ASB8: variants seen among roughly 807,000 people sequenced by gnomAD.
ASB8 encodes ankyrin repeat and SOCS box protein 8.
In ASB8, 15 loss-of-function variants were observed where a neutral mutation model predicts 22.9. The ratio of observed to expected loss-of-function variants is 0.66; its 90% CI spans 0.44 to 1.01. ASB8 has a LOEUF of 1.01. ASB8 is among the 50% of genes least tolerant of loss of function. The probability of loss-of-function intolerance (pLI) is 0.00; values close to 1 mark genes in which losing one functional copy is unlikely to be tolerated. For missense variants in ASB8, 294 were observed against 356.9 expected (o/e 0.82, Z 1.42); for synonymous variants, 124 against 140.8 (o/e 0.88, Z 0.84).
At chr12:48,151,030 T>C in intron 3 of ASB8, 171 bp downstream of exon 3, 1 of 626,528 alleles carries the variant, frequency 1.6e-6, no homozygotes, top group Non-Finnish European at 2.8e-6. Flanking sequence ...TTAGATCATT[T>C]TATATATTTA....
At chr12:48,151,557 A>G in intron 2 of ASB8, 1 of 1,468,412 alleles carries the variant, frequency 6.8e-7, no homozygotes, top group Non-Finnish European at 9.1e-7. Flanking sequence ...AGGCTGCCAG[A>G]TGGTCACCTG....
chr12:48,153,072 CT>C, intron 2 of ASB8: 1 of 291,138 alleles, frequency 3.4e-6, no homozygotes, highest in Non-Finnish European at 6.7e-6. Flanking sequence ...GTATAGAAGA[CT>C]TTGAGCTCAA....
In ASB8 at chr12:48,150,001, G is replaced by A. The variant is rs1237996424; in HGVS notation, c.235-3C>T. ...TTATACCCATCCAGGGCATTCACCT[G>A]TAAAAAGGGAGGAACTATTACAGTA... On this transcript the variant is annotated splice_polypyrimidine_tract_variant and splice_region_variant and intron_variant, in intron 3 of 3. Coordinates refer to ENST00000317697, the MANE Select transcript of ASB8 (RefSeq NM_024095.5). The A allele has an allele frequency of 6.2e-7, 1 of 1,611,230 alleles. No individual in the cohort carries two copies. Among genetic ancestry groups the A allele is most frequent in the Non-Finnish European group, 8.5e-7 (1 of 1,177,732 alleles).
At chr12:48,155,726 T>C (rs12827060) in intron 1 of ASB8, among the ~76,000 whole-genome samples, 6 of 103,932 alleles carry the variant, frequency 5.8e-5, no homozygotes, top group Non-Finnish European at 9.3e-5. Context: ...TGAGACTCCA[T>C]CTCAAAAAAA....
In ASB8 at chr12:48,149,131, CA is replaced by C. The variant is rs1402460090; in HGVS notation, c.*234del. ...GGGAGACCTCTTCTTTTGCAAAATG[CA>C]ATATAAAAAGCCAGGTAAGCAATAA... On this transcript the variant is annotated 3_prime_UTR_variant, in exon 4 of 4. Transcript: ENST00000317697. 2.4e-5 allele frequency: 13 copies of C among 551,914 alleles called. No homozygotes were observed. The Admixed American group carries it at 3.2e-4, about 14-fold the overall frequency. The allele number at this position is 551,914 out of a possible 1,614,324, so 34.2% of individuals were successfully genotyped here.
chr12:48,147,810 CTTTTT>C lies in ASB8; in HGVS notation c.*1551_*1555del, dbSNP rs963504719. 2 of 151,282 alleles carry C rather than the reference CTTTTT, an allele frequency of 1.3e-5. No individual in the cohort carries two copies. Among genetic ancestry groups the C allele is most frequent in the Non-Finnish European group, 2.9e-5 (2 of 67,810 alleles). The allele number at this position is 151,282 out of a possible 1,614,324, so 9.4% of individuals were successfully genotyped here. A position where few individuals can be genotyped will look rare whatever the true frequency, so the allele number is the denominator to read the frequency against. ...AAACTTGCTTTTAGAACTATTTATT[CTTTTT>C]TTTTAAGTGATGTTTTTTAAACACC... On this transcript the variant is annotated 3_prime_UTR_variant, in exon 4 of 4. Coordinates refer to ENST00000317697, the MANE Select transcript of ASB8 (RefSeq NM_024095.5).
chr12:48,154,928 G>A (rs1326555716), intron 1 of ASB8, among the ~76,000 whole-genome samples: 1 of 152,176 alleles, frequency 6.6e-6, no homozygotes, highest in East Asian at 1.9e-4. Context: ...GCAACAGAGT[G>A]AGACTCCATC....
chr12:48,151,095 C>A, intron 3 of ASB8, 106 bp downstream of exon 3: 1 of 843,276 alleles, frequency 1.2e-6, no homozygotes, highest in South Asian at 1.5e-5. Flanking sequence ...GTTAGAAGTT[C>A]AGACTGGAGG....
intron 2 of ASB8, 66 bp from the exon 3 acceptor site, chr12:48,151,371 G>T (rs1043192958): frequency 2.3e-6 from 3 of 1,318,322 alleles, no homozygotes; most frequent in Admixed American, 4.0e-5. Context: ...ACAGAATTCA[G>T]AACTGAGTCC....
chr12:48,149,478 G>A lies in ASB8; in HGVS notation c.755C>T (p.Thr252Ile), dbSNP rs1951158190. ...VLCSAPGTLKTLARYAVRRSL... is the reference protein window; with the variant it reads ...VLCSAPGTLKILARYAVRRSL... ...ACGGCGCACGGCATAGCGAGCGAGT[G>A]TTTTTAGAGTTCCTGGAGCTGAGCA... The change falls in exon 4 of 4, where the codon ACA becomes ATA. Residue 252 changes from threonine (T) to isoleucine (I), a missense_variant. By Grantham distance (89) the Thr-to-Ile change is moderately conservative. Coordinates refer to ENST00000317697, the MANE Select transcript of ASB8 (RefSeq NM_024095.5). 2 of 1,614,120 alleles carry A rather than the reference G, an allele frequency of 1.2e-6. No individual in the cohort carries two copies. The highest frequency in any genetic ancestry group is 1.1e-5 in the South Asian group (1 of 91,082).
chr12:48,153,395 A>T lies in ASB8; in HGVS notation c.102T>A (p.His34Gln). ...RTIAAIRSFP[H>Q]DNVEDLIRGG... Reference sequence around the variant, plus strand: ...CTCTGATGAGGTCCTCTACATTATCATGTGGGAAGGAACGGATGGCAGCAA... The same window carrying T: ...CTCTGATGAGGTCCTCTACATTATCTTGTGGGAAGGAACGGATGGCAGCAA... The change falls in exon 2 of 4, where the codon CAT (histidine) becomes CAA (glutamine). Residue 34 changes from histidine (H) to glutamine (Q), a missense_variant. Transcript: ENST00000317697. The T allele has an allele frequency of 6.2e-7, 1 of 1,614,014 alleles. No individual in the cohort carries two copies. The highest frequency in any genetic ancestry group is 8.5e-7 in the Non-Finnish European group (1 of 1,179,894).
In ASB8 at chr12:48,149,366, C is replaced by T. The variant is rs1334860151; in HGVS notation, c.867G>A (p.Ter289=). The T allele has an allele frequency of 6.2e-7, 1 of 1,612,058 alleles. No homozygotes were observed. The part of the protein sequence containing the change: ...SLKEYLLLLE[*] ...ACGATGGTGCAAACATCTTCTCCGG[C>T]TATTCTAAAAGTAACAGGTATTCCT... The change falls in exon 4 of 4, where the codon TAG becomes TAA. Residue 289 remains the stop codon, a stop_retained_variant. Coordinates refer to ENST00000317697, the MANE Select transcript of ASB8 (RefSeq NM_024095.5).
At chr12:48,155,755 AT>A (rs1951293105) in intron 1 of ASB8, among the ~76,000 whole-genome samples, 1 of 139,080 alleles carries the variant, frequency 7.2e-6, no homozygotes, top group African/African-American at 2.7e-5. Context: ...ATATATATAT[AT>A]ATGTATATAT....
intron 1 of ASB8, among the ~76,000 whole-genome samples, chr12:48,155,719 G>T (rs1951289867): frequency 7.9e-6 from 1 of 126,284 alleles, no homozygotes; most frequent in African/African-American, 3.0e-5. Flanking sequence ...GACAGAGTGA[G>T]ACTCCATCTC....
chr12:48,156,223 A>G (rs1951301664), intron 1 of ASB8, among the ~76,000 whole-genome samples: 1 of 152,168 alleles, frequency 6.6e-6, no homozygotes, highest in South Asian at 2.1e-4. Context: ...TGTATCGATA[A>G]TTCAAATTAG....
chr12:48,149,310 T>C lies in ASB8; in HGVS notation c.*56A>G. 6.5e-7 allele frequency: 1 copy of C among 1,528,538 alleles called. No homozygotes were observed. Among genetic ancestry groups the C allele is most frequent in the Middle Eastern group, 1.9e-4 (1 of 5,198 alleles). 94.7% of individuals were successfully genotyped at this position (1,528,538 alleles called of 1,614,324 possible). A position where few individuals can be genotyped will look rare whatever the true frequency, so the allele number is the denominator to read the frequency against. On this transcript the variant is annotated 3_prime_UTR_variant, in exon 4 of 4. Coordinates refer to ENST00000317697, the MANE Select transcript of ASB8 (RefSeq NM_024095.5). ...TTCTGTTTTCTGTGACAAGGAGTAC[T>C]GCAGGGACAACCTCACCCAGAGCTG...
chr12:48,153,370 C>G lies in ASB8; in HGVS notation c.127G>C (p.Gly43Arg), dbSNP rs201422942. Residue 43 changes from glycine (G) to arginine (R), a missense_variant and splice_region_variant, in exon 2 of 4, where the codon GGG becomes CGG. Transcript: ENST00000317697. ...CCTGTCAATACCAGCACACTCACCC[C>G]TCTGATGAGGTCCTCTACATTATCA... Reference protein sequence around the residue: ...PHDNVEDLIRGGADVNCTHGT... With the variant: ...PHDNVEDLIRRGADVNCTHGT... The G allele has an allele frequency of 4.6e-5, 74 of 1,613,828 alleles. No individual in the cohort carries two copies. Among genetic ancestry groups the G allele is most frequent in the Non-Finnish European group, 5.3e-5 (62 of 1,179,874 alleles).
In ASB8 at chr12:48,156,417, AT is replaced by A. The variant is rs1196400331; in HGVS notation, c.-34+1041del. Among the ~76,000 whole-genome samples the A allele has an allele frequency of 2.2e-4, 33 of 152,240 alleles. No individual in the cohort carries two copies. In the East Asian group the frequency reaches 6.0e-3, roughly 28 times the overall value. On this transcript the variant is annotated intron_variant, in intron 1 of 3. Coordinates refer to ENST00000317697, the MANE Select transcript of ASB8 (RefSeq NM_024095.5). ...TTCAAGGAAAAAAAAAGACAAGTGCATTTGAGTTGGTAATTCCAAGAATGGC... is the reference window on the plus strand; with the variant it reads ...TTCAAGGAAAAAAAAAGACAAGTGCATTGAGTTGGTAATTCCAAGAATGGC...
rs1157493567 is a variant in ASB8, at chr12:48,149,531, C to T, written c.702G>A (p.Pro234=). The change falls in exon 4 of 4, where the codon CCG becomes CCA. Residue 234 remains proline, a synonymous_variant. Coordinates refer to ENST00000317697, the MANE Select transcript of ASB8 (RefSeq NM_024095.5). ...GAACAGTCAGTTTTTCACATAGCTG[C>T]GGGTCTCTGGCCACCTCTCGTGGCA... ...GTMPREVARD[P]QLCEKLTVLC... is the part of the protein sequence containing the mutation. The T allele has an allele frequency of 8.7e-6, 14 of 1,614,172 alleles. No individual in the cohort carries two copies. The highest frequency in any genetic ancestry group is 1.6e-4 in the Middle Eastern group (1 of 6,062).
Sources: allele counts gnomAD v4.1 joint callset (sites outside exome capture counted in the v4.1 genomes callset), GRCh38; gene constraint gnomAD v4.1.1; transcripts MANE v1.5; gene names NCBI Gene and HGNC (gene_info 2026-07-23, HGNC 2026-07-21).